Variants in MIER2 observed in about 807,000 individuals in gnomAD.
The protein encoded by MIER2 is MIER family member 2, also known as mesoderm induction early response protein 2.
In MIER2, 30 loss-of-function variants were observed where a neutral mutation model predicts 67.6. The ratio of observed to expected loss-of-function variants is 0.44; its 90% CI spans 0.33 to 0.60. The LOEUF is 0.60. Ranked by LOEUF, MIER2 falls within the 20% of genes least tolerant of loss-of-function variation. MIER2 has a pLI of 0.02. For missense variants in MIER2, 702 were observed against 745.1 expected (o/e 0.94, Z 0.67); for synonymous variants, 372 against 312.6 (o/e 1.19, Z -2.00).
At chr19:340,139 A>G (rs1972436894) in intron 1 of MIER2, among the ~76,000 whole-genome samples, 1 of 152,228 alleles carries the variant, frequency 6.6e-6, no homozygotes, top group Non-Finnish European at 1.5e-5. Context: ...AAACAAGCTC[A>G]AAGAGATAGA....
At chr19:310,444 A>C (rs1483511891) in intron 10 of MIER2, among the ~76,000 whole-genome samples, 1 of 150,498 alleles carries the variant, frequency 6.6e-6, no homozygotes, top group Non-Finnish European at 1.5e-5. Flanking sequence ...TGCTGGCTAC[A>C]CACGGCCCCT....
intron 10 of MIER2, among the ~76,000 whole-genome samples, chr19:310,639 A>ACAGCCCGGAGCTATAGAAACG (rs1344268335): frequency 1.6e-5 from 2 of 126,760 alleles, no homozygotes; most frequent in South Asian, 2.3e-4. Context: ...CTATAGAAAC[A>ACAGCCCGGAGCTATAGAAACG]GCCCAGAGTC....
chr19:311,729 G>A (rs556843907), intron 10 of MIER2, 116 bp downstream of exon 10: 22 of 936,844 alleles, frequency 2.3e-5, no homozygotes, highest in South Asian at 1.1e-4. Context: ...GTGAGGAGGC[G>A]GACACAGGAC....
At position 338,170 on chromosome 19, in the gene MIER2, CAAAAAAAAAAAAA is replaced by C. The variant is rs34351754; in HGVS notation, c.10-2010_10-1998del. 0.021 allele frequency among the ~76,000 whole-genome samples: 1,624 copies of C among 77,146 alleles called. 100 individuals carry two copies. The Admixed American group carries it at 0.21, about 10-fold the overall frequency. 50.6% of individuals were successfully genotyped at this position (77,146 alleles called of 152,430 possible). ...CTGGCAATACAGCAAGACTCCATCT[CAAAAAAAAAAAAA>C]AAAAAAAAAAAAAAAGATTGGTAAG... On this transcript the variant is annotated intron_variant, in intron 1 of 13. Coordinates refer to ENST00000264819, the MANE Select transcript of MIER2 (RefSeq NM_017550.3).
intron 7 of MIER2, among the ~76,000 whole-genome samples, chr19:314,207 G>A (rs192919784): frequency 2.6e-5 from 4 of 152,352 alleles, no homozygotes; most frequent in Admixed American, 2.0e-4. Flanking sequence ...GAAGAGCCAC[G>A]GCCAGAAGGT....
In MIER2 at chr19:326,517, T is replaced by C. The variant is rs760322081; in HGVS notation, c.575A>G (p.Lys192Arg). ...DTEEDSLPAN[K>R]CKKEIMVGPQ... The stretch of plus-strand genomic sequence containing the variant: ...GGCAGAACCACGTACCTTCTTACAT[T>C]TGTTGGCAGGAAGAGAGTCCTCCTC... The change falls in exon 6 of 14, where the codon AAA becomes AGA. Residue 192 changes from lysine to arginine, a missense_variant. By Grantham distance (26) the Lys-to-Arg change is conservative. This residue lies in a region of MIER2 where 320 missense variants were observed against 292.6 expected (regional missense o/e 1.09). Transcript: ENST00000264819. The C allele has an allele frequency of 2.5e-6, 4 of 1,612,676 alleles. No homozygotes were observed. The highest frequency in any genetic ancestry group is 4.5e-5 in the East Asian group (2 of 44,866).
chr19:344,689 G>A (rs947337368), intron 1 of MIER2, 85 bp downstream of exon 1: 1 of 910,016 alleles, frequency 1.1e-6, no homozygotes, highest in African/African-American at 1.8e-5. Context: ...TCCGTCCCTG[G>A]GGCCCACGAC....
At chr19:337,836 T>G in intron 1 of MIER2, among the ~76,000 whole-genome samples, 1 of 119,636 alleles carries the variant, frequency 8.4e-6, no homozygotes, top group African/African-American at 3.3e-5. Context: ...GCCACTGCAC[T>G]CCAGCCTGGG....
rs918346184 is a variant in MIER2 at position 308,537 on chromosome 19, G to A, written c.1198+40C>T. The A allele has an allele frequency of 1.6e-5, 25 of 1,543,812 alleles. No homozygotes were observed. In the East Asian group the frequency reaches 2.1e-4, roughly 13 times the overall value. ...GGGCCTCACTCACGGCTCCAGACCC[G>A]TGGCCGCCCCCAGGGCAGGAGATAC... On this transcript the variant is annotated intron_variant, in intron 12 of 13. Transcript: ENST00000264819. The surrounding 1 kb of genome is among the most constrained non-coding windows in gnomAD (Gnocchi z 9.1).
At chr19:315,044 C>A (rs913220102) in intron 7 of MIER2, among the ~76,000 whole-genome samples, 1 of 148,580 alleles carries the variant, frequency 6.7e-6, no homozygotes, top group African/African-American at 2.5e-5. Flanking sequence ...GCCTGGGAAA[C>A]AGAGCAAGAC....
chr19:309,777 C>T lies in MIER2; in HGVS notation c.985-852G>A, dbSNP rs867669147. On this transcript the variant is annotated intron_variant, in intron 10 of 13. Coordinates refer to ENST00000264819, the MANE Select transcript of MIER2 (RefSeq NM_017550.3). Reference sequence around the variant, plus strand: ...ACACGCACACAAGGCTTCAGGGAGACGAGAAGGGACACACACACACACACA... The same window carrying T: ...ACACGCACACAAGGCTTCAGGGAGATGAGAAGGGACACACACACACACACA... Among the ~76,000 whole-genome samples, 70 of 105,120 alleles carry T rather than the reference C, an allele frequency of 6.7e-4. 1 individual carries two copies. The highest frequency in any genetic ancestry group is 8.3e-3 in the Middle Eastern group (1 of 120). The allele number at this position is 105,120 out of a possible 152,430, so 69.0% of individuals were successfully genotyped here. A position where few individuals can be genotyped will look rare whatever the true frequency, so the allele number is the denominator to read the frequency against.
In MIER2 at chr19:336,151, C is replaced by T. The variant is rs993046374; in HGVS notation, c.32G>A (p.Ser11Asn). ...CTCGAGGCAGGAGACCACGCGAGGA[C>T]TCTGCCTCCCCAGCGAGGAGGCCTG... is the stretch of plus-strand genomic sequence containing the variant. MAEASSLGRQ[S>N]PRVVSCLEHS... is the part of the protein sequence containing the mutation. Residue 11 changes from serine (S) to asparagine (N), a missense_variant, in exon 2 of 14, where the codon AGT becomes AAT. Ser to Asn is a conservative substitution (Grantham distance 46). This residue lies in a region of MIER2 where 320 missense variants were observed against 292.6 expected (regional missense o/e 1.09). Coordinates refer to ENST00000264819, the MANE Select transcript of MIER2 (RefSeq NM_017550.3). The T allele has an allele frequency of 4.3e-6, 7 of 1,613,186 alleles. No individual in the cohort carries two copies. Among genetic ancestry groups the T allele is most frequent in the Middle Eastern group, 3.3e-4 (2 of 6,038 alleles).
chr19:336,322 G>A (rs892299159), intron 1 of MIER2, 149 bp from the exon 2 acceptor site: 4 of 643,576 alleles, frequency 6.2e-6, no homozygotes, highest in African/African-American at 3.6e-5. Flanking sequence ...GGGCTGGGGG[G>A]CACTAGGAGC....
rs866205179 is a variant in MIER2 at position 326,161 on chromosome 19, G to A, written c.585+346C>T. Among the ~76,000 whole-genome samples the A allele has an allele frequency of 2.6e-5, 4 of 152,150 alleles. No individual in the cohort carries two copies. In the South Asian group the frequency reaches 8.3e-4, roughly 32 times the overall value. On this transcript the variant is annotated intron_variant, in intron 6 of 13. Transcript: ENST00000264819. Reference sequence around the variant, plus strand: ...GAGCCATGGGAGGGATGCCAGGTTGGGGACACGGCAGAACCACGGCTGGGA... The same window carrying A: ...GAGCCATGGGAGGGATGCCAGGTTGAGGACACGGCAGAACCACGGCTGGGA...
At chr19:320,944 C>T (rs1484844407) in intron 7 of MIER2, among the ~76,000 whole-genome samples, 3 of 152,176 alleles carry the variant, frequency 2.0e-5, no homozygotes, top group Non-Finnish European at 4.4e-5. Context: ...GAACACCAGA[C>T]AGAACGTCGG....
At chr19:337,274 C>T (rs1185467543) in intron 1 of MIER2, among the ~76,000 whole-genome samples, 1 of 152,044 alleles carries the variant, frequency 6.6e-6, no homozygotes. Flanking sequence ...GATTTAATAT[C>T]CAAAAGTCAA....
intron 6 of MIER2, among the ~76,000 whole-genome samples, chr19:326,198 A>G (rs61659564): frequency 0.2 from 19,698 of 96,808 alleles, 2,080 homozygotes; most frequent in African/African-American, 0.32. Context: ...GCCAGGTTGG[A>G]GACACAGCAG....
At chr19:338,085 T>C (rs1972345033) in intron 1 of MIER2, among the ~76,000 whole-genome samples, 1 of 139,518 alleles carries the variant, frequency 7.2e-6, no homozygotes. Context: ...GGCAGGAGGA[T>C]CGCTTGAACC....
Position 325,669 on chromosome 19 carries a change from G to A in MIER2, c.621C>T (p.Leu207=), listed in dbSNP as rs767207707. Residue 207 remains leucine (L), a synonymous_variant, in exon 7 of 14, where the codon CTC becomes CTT. Coordinates refer to ENST00000264819, the MANE Select transcript of MIER2 (RefSeq NM_017550.3). ...IMVGPQFQAD[L]SNLHLNRHCE... ...AGTGCCGGTTCAAGTGCAGGTTGCTGAGGTCAGCTTGGAACTGAGGTCCCA... is the reference window on the plus strand; with the variant it reads ...AGTGCCGGTTCAAGTGCAGGTTGCTAAGGTCAGCTTGGAACTGAGGTCCCA... 2.5e-6 allele frequency: 4 copies of A among 1,614,224 alleles called. No individual in the cohort carries two copies. The highest frequency in any genetic ancestry group is 3.4e-6 in the Non-Finnish European group (4 of 1,180,040).
Sources: gnomAD v4.1 joint callset for allele counts (sites outside exome capture counted in the v4.1 genomes callset) on GRCh38, gnomAD v4.1.1 for gene constraint, gnomAD v4.1.1 regional missense constraint, Gnocchi (gnomAD v3.1) non-coding constraint, MANE v1.5 for transcripts, NCBI Gene and HGNC (gene_info 2026-07-23, HGNC 2026-07-21) for gene names.